EDIL3: variants seen among roughly 807,000 people sequenced by gnomAD.
The protein encoded by EDIL3 is EGF-like repeat and discoidin I-like domain-containing protein 3.
Under a neutral mutation model 67.4 loss-of-function variants are expected in EDIL3, and 37 were observed. The observed-to-expected ratio is 0.55, with a 90% CI of 0.42 to 0.72. The LOEUF (loss-of-function observed/expected upper bound fraction) is 0.72. EDIL3 is among the 30% of genes least tolerant of loss of function. EDIL3 has a pLI of 0.00. For missense variants in EDIL3, 527 were observed against 586.3 expected (o/e 0.90, Z 1.04); for synonymous variants, 195 against 196.3 (o/e 0.99, Z 0.05).
intron 1 of EDIL3, among the ~76,000 whole-genome samples, chr5:84,355,415 C>T (rs1747459660): frequency 6.6e-6 from 1 of 152,000 alleles, no homozygotes; most frequent in Admixed American, 6.5e-5. Context: ...AGCTTCCTTG[C>T]ATTGGGTTAC....
At chr5:84,205,819 C>T (rs1743963909) in intron 3 of EDIL3, among the ~76,000 whole-genome samples, 4 of 151,404 alleles carry the variant, frequency 2.6e-5, no homozygotes, top group Admixed American at 2.6e-4. Context: ...CTTTATTAGT[C>T]TTGCTAGCGG....
At chr5:84,344,851 A>G (rs1476793725) in intron 1 of EDIL3, among the ~76,000 whole-genome samples, 2 of 152,126 alleles carry the variant, frequency 1.3e-5, no homozygotes, top group South Asian at 2.1e-4. Flanking sequence ...ATAATAAATC[A>G]TGTACTCTGT....
At chr5:84,260,014 G>A (rs1745197806) in intron 1 of EDIL3, among the ~76,000 whole-genome samples, 2 of 152,176 alleles carry the variant, frequency 1.3e-5, no homozygotes, top group Non-Finnish European at 2.9e-5. Flanking sequence ...AGAAAGGACA[G>A]CTGATTTTGT....
intron 3 of EDIL3, among the ~76,000 whole-genome samples, chr5:84,195,882 G>A (rs892797644): frequency 1.8e-4 from 27 of 151,946 alleles, no homozygotes; most frequent in Non-Finnish European, 2.8e-4. Flanking sequence ...ATATGCTAGA[G>A]GGGAACCTGG....
At chr5:83,960,078 G>T (rs538296591) in intron 10 of EDIL3, among the ~76,000 whole-genome samples, 1 of 150,810 alleles carries the variant, frequency 6.6e-6, no homozygotes, top group Non-Finnish European at 1.5e-5. Context: ...GGTGTCAGTT[G>T]TCTTCTTCAA....
chr5:84,019,490 A>G (rs1308629792), intron 9 of EDIL3, among the ~76,000 whole-genome samples: 2 of 152,114 alleles, frequency 1.3e-5, no homozygotes, highest in Non-Finnish European at 2.9e-5. Flanking sequence ...ACATGTATAC[A>G]TATGTAACAA....
At chr5:84,055,277 T>TCCC (rs1365068293) in intron 9 of EDIL3, among the ~76,000 whole-genome samples, 1 of 146,388 alleles carries the variant, frequency 6.8e-6, no homozygotes, top group Non-Finnish European at 1.5e-5. Flanking sequence ...TGAAACTGGA[T>TCCC]CCCTTCCTCG....
chr5:84,109,602 A>C (rs1437415582), intron 5 of EDIL3, among the ~76,000 whole-genome samples: 1 of 152,178 alleles, frequency 6.6e-6, no homozygotes, highest in East Asian at 1.9e-4. Flanking sequence ...ATCTTATACA[A>C]AGTATTTTTG....
rs572783625 is a variant in EDIL3, at chr5:84,050,980, T to C, written c.1137+9320A>G. On this transcript the variant is annotated intron_variant, in intron 9 of 10. Transcript: ENST00000296591. ...GAAGAGAGTAGTGGTTCTCCCAGCA[T>C]GGACTTTGAGATCTGAGAACGGACA... is the stretch of plus-strand genomic sequence containing the variant. Among the ~76,000 whole-genome samples, 73 of 152,272 alleles carry C rather than the reference T, an allele frequency of 4.8e-4. 1 individual carries two copies. In the East Asian group the frequency reaches 0.013, roughly 27 times the overall value.
rs576831892 is a variant in EDIL3 at position 83,992,778 on chromosome 5, T to A, written c.1138-29418A>T. Among the ~76,000 whole-genome samples the A allele has an allele frequency of 5.3e-5, 8 of 152,180 alleles. No homozygotes were observed. The South Asian group carries it at 1.7e-3, about 32-fold the overall frequency. On this transcript the variant is annotated intron_variant, in intron 9 of 10. Transcript: ENST00000296591. ...TATTAATTTTAATGTTATAGAAATA[T>A]CATTGTAAACTAGTATATTATTATA...
chr5:84,142,980 C>T (rs771653251), intron 4 of EDIL3, among the ~76,000 whole-genome samples: 1 of 152,006 alleles, frequency 6.6e-6, no homozygotes, highest in African/African-American at 2.4e-5. Context: ...TCCTTAACAA[C>T]ACATCTTCCC....
At chr5:84,059,948 C>T (rs1035262139) in intron 9 of EDIL3, among the ~76,000 whole-genome samples, 7 of 152,100 alleles carry the variant, frequency 4.6e-5, no homozygotes, top group East Asian at 1.9e-4. Flanking sequence ...TTTCAATGCC[C>T]TTTGGATTCT....
At chr5:83,974,768 AATTT>A (rs1407305945) in intron 9 of EDIL3, among the ~76,000 whole-genome samples, 2 of 151,892 alleles carry the variant, frequency 1.3e-5, no homozygotes, top group African/African-American at 2.4e-5. Flanking sequence ...TATTTATATT[AATTT>A]ATTTATTGTG....
intron 1 of EDIL3, among the ~76,000 whole-genome samples, chr5:84,353,740 A>G (rs374560084): frequency 6.6e-6 from 1 of 152,224 alleles, no homozygotes; most frequent in East Asian, 1.9e-4. Context: ...TTTGAAAAAC[A>G]GTATTATAGA....
chr5:84,267,304 T>C (rs1745370535), intron 1 of EDIL3, among the ~76,000 whole-genome samples: 1 of 152,222 alleles, frequency 6.6e-6, no homozygotes, highest in Non-Finnish European at 1.5e-5. Flanking sequence ...TCTCATCACT[T>C]GCATATGTGA....
intron 1 of EDIL3, among the ~76,000 whole-genome samples, chr5:84,276,863 C>T (rs893422071): frequency 6.6e-6 from 1 of 152,072 alleles, no homozygotes; most frequent in Non-Finnish European, 1.5e-5. Context: ...TGAGACAACA[C>T]GCCTGCCGAT....
intron 9 of EDIL3, among the ~76,000 whole-genome samples, chr5:84,028,401 G>A (rs1316990662): frequency 2.6e-5 from 4 of 152,116 alleles, no homozygotes; most frequent in African/African-American, 9.7e-5. Flanking sequence ...AACGTAGTGA[G>A]TTATTATTGA....
chr5:84,098,747 C>A (rs905989431), intron 6 of EDIL3, among the ~76,000 whole-genome samples: 3 of 152,080 alleles, frequency 2.0e-5, no homozygotes, highest in African/African-American at 7.2e-5. Context: ...ATCTCTTGGA[C>A]ACAGCTAATG....
intron 3 of EDIL3, among the ~76,000 whole-genome samples, chr5:84,193,331 G>A (rs1190905472): frequency 6.6e-6 from 1 of 151,924 alleles, no homozygotes; most frequent in Admixed American, 6.6e-5. Context: ...GGACAGAGAA[G>A]GGTCGAAGAA....
Sources: allele counts gnomAD v4.1 joint callset (sites outside exome capture counted in the v4.1 genomes callset), GRCh38; gene constraint gnomAD v4.1.1; transcripts MANE v1.5; gene names NCBI Gene and HGNC (gene_info 2026-07-23, HGNC 2026-07-21).